BSDC1: variants seen among roughly 807,000 people sequenced by gnomAD.
The protein encoded by BSDC1 is BSD domain containing 1.
BSDC1 carries 29 observed loss-of-function variants against 56.0 expected under a neutral mutation model. The ratio of observed to expected loss-of-function variants is 0.52; its 90% CI spans 0.39 to 0.71. The LOEUF (loss-of-function observed/expected upper bound fraction) is 0.71. BSDC1 is among the 30% of genes least tolerant of loss of function. The pLI is 0.00. For missense variants in BSDC1, 477 were observed against 548.5 expected, an observed-to-expected ratio of 0.87 and a Z score of 1.30; for synonymous variants, 210 against 215.3, an observed-to-expected ratio of 0.98 and a Z score of 0.21.
chr1:32,364,901 C>T lies in BSDC1; in HGVS notation c.*1721G>A, dbSNP rs887100625. On this transcript the variant is annotated 3_prime_UTR_variant, in exon 11 of 11. Coordinates refer to ENST00000455895, the MANE Select transcript of BSDC1 (RefSeq NM_018045.8). ...CACTGGGAGTGCAGAGATGGCCTCC[C>T]GACTCCTTGTCCCAGTGAGAGGCCT... is the stretch of plus-strand genomic sequence containing the variant. Among the ~76,000 whole-genome samples, 11 of 152,210 alleles carry T rather than the reference C, an allele frequency of 7.2e-5. No individual in the cohort carries two copies. Among genetic ancestry groups the T allele is most frequent in the African/African-American group, 2.2e-4 (9 of 41,458 alleles).
chr1:32,372,853 T>C (rs1282713245), intron 9 of BSDC1, among the ~76,000 whole-genome samples: 1 of 152,292 alleles, frequency 6.6e-6, no homozygotes, highest in East Asian at 1.9e-4. Flanking sequence ...TGCTCTTAGG[T>C]CACACGGTCA....
In BSDC1 at chr1:32,367,161, C is replaced by T. The variant is rs930608592; in HGVS notation, c.1261-507G>A. On this transcript the variant is annotated intron_variant, in intron 10 of 10. Coordinates refer to ENST00000455895, the MANE Select transcript of BSDC1 (RefSeq NM_018045.8). ...GAGGTGGCAGTGGCCTACAGATGCCCACTAGGTCTTCACTAGGGGCACCAA... is the reference window on the plus strand; with the variant it reads ...GAGGTGGCAGTGGCCTACAGATGCCTACTAGGTCTTCACTAGGGGCACCAA... 6.1e-6 allele frequency: 6 copies of T among 985,724 alleles called. No homozygotes were observed. In the African/African-American group the frequency reaches 8.7e-5, roughly 14 times the overall value. The allele number at this position is 985,724 out of a possible 1,614,324, so 61.1% of individuals were successfully genotyped here.
In BSDC1 at chr1:32,366,616, G is replaced by A. The variant is rs754393546; in HGVS notation, c.*6C>T. Reference sequence around the variant, plus strand: ...ATGGGTGGGGGAGCTGCTCCCTCTGGCTCCCTCACTCCCAGTCCTCCCACT... The same window carrying A: ...ATGGGTGGGGGAGCTGCTCCCTCTGACTCCCTCACTCCCAGTCCTCCCACT... On this transcript the variant is annotated 3_prime_UTR_variant, in exon 11 of 11. Coordinates refer to ENST00000455895, the MANE Select transcript of BSDC1 (RefSeq NM_018045.8). The A allele has an allele frequency of 8.6e-6, 13 of 1,503,858 alleles. No homozygotes were observed. The highest frequency in any genetic ancestry group is 4.4e-5 in the Admixed American group (2 of 45,500). 93.2% of individuals were successfully genotyped at this position (1,503,858 alleles called of 1,614,324 possible). A position where few individuals can be genotyped will look rare whatever the true frequency, so the allele number is the denominator to read the frequency against.
chr1:32,367,707 A>T, intron 10 of BSDC1: 2 of 981,976 alleles, frequency 2.0e-6, no homozygotes, highest in Non-Finnish European at 2.4e-6. Context: ...AGTGAAGAAT[A>T]ACAGTACTAA....
rs1641841086 is a variant in BSDC1, at chr1:32,366,135, T to C, written c.*487A>G. 5.5e-6 allele frequency: 1 copy of C among 181,076 alleles called. No homozygotes were observed. The highest frequency in any genetic ancestry group is 9.4e-5 in the South Asian group (1 of 10,596). The allele number at this position is 181,076 out of a possible 1,614,324, so 11.2% of individuals were successfully genotyped here. On this transcript the variant is annotated 3_prime_UTR_variant, in exon 11 of 11. Transcript: ENST00000455895. ...GATAAGTGCCTCTTACCCACTGGGA[T>C]AGGAACCAAAATGTGTTCACTGTCC...
chr1:32,376,856 C>A, intron 8 of BSDC1, 115 bp from the exon 9 acceptor site: 2 of 1,176,560 alleles, frequency 1.7e-6, no homozygotes, highest in Non-Finnish European at 2.2e-6. Context: ...TCAAGCCGGG[C>A]ATGGTGGCTC....
At chr1:32,375,935 G>A (rs1642263819) in intron 9 of BSDC1, among the ~76,000 whole-genome samples, 1 of 152,042 alleles carries the variant, frequency 6.6e-6, no homozygotes, top group Admixed American at 6.6e-5. Context: ...AATATTTTTG[G>A]GCCTCACTTT....
Position 32,366,590 on chromosome 1 carries a change from C to T in BSDC1, c.*32G>A, listed in dbSNP as rs147208911. On this transcript the variant is annotated 3_prime_UTR_variant, in exon 11 of 11. Transcript: ENST00000455895. ...GACGAGCGAGGGAGGCGAGAGATGC[C>T]ATGGGTGGGGGAGCTGCTCCCTCTG... 1.6e-5 allele frequency: 25 copies of T among 1,515,444 alleles called. No homozygotes were observed. The African/African-American group carries it at 2.5e-4, about 15-fold the overall frequency. The allele number at this position is 1,515,444 out of a possible 1,614,324, so 93.9% of individuals were successfully genotyped here.
intron 10 of BSDC1, 76 bp downstream of exon 10, chr1:32,368,371 G>C (rs752317143): frequency 7.4e-6 from 12 of 1,614,170 alleles, no homozygotes; most frequent in Non-Finnish European, 1.0e-5. Context: ...TGAGGGGACA[G>C]CTGGGCTGGC....
chr1:32,372,079 A>G (rs1200769645), intron 9 of BSDC1, among the ~76,000 whole-genome samples: 1 of 152,188 alleles, frequency 6.6e-6, no homozygotes, highest in Non-Finnish European at 1.5e-5. Context: ...TTGAGAAACA[A>G]TGGTGTTAGA....
At chr1:32,367,556 G>C in intron 10 of BSDC1, 7 of 985,360 alleles carry the variant, frequency 7.1e-6, no homozygotes, top group Non-Finnish European at 6.0e-6. Context: ...GACTCATGTG[G>C]TTCTTATGTG....
intron 10 of BSDC1, chr1:32,367,593 CAG>C: frequency 2.0e-6 from 2 of 985,458 alleles, no homozygotes; most frequent in Non-Finnish European, 2.4e-6. Context: ...TGACATGAAT[CAG>C]ATGTCTGGGT....
chr1:32,370,778 T>C (rs553383028), intron 9 of BSDC1, among the ~76,000 whole-genome samples: 2 of 117,418 alleles, frequency 1.7e-5, no homozygotes, highest in African/African-American at 6.8e-5. Flanking sequence ...CACTCCAGCC[T>C]GGGTGACAGA....
At position 32,386,772 on chromosome 1, in the gene BSDC1, T is replaced by C. The variant is rs1416181330; in HGVS notation, c.189+7A>G. ...CAGTTACTTGGGAGGGTTTGGGTGGTACTCACAGCCAGCTTCTCCTTGACC... is the reference window on the plus strand; with the variant it reads ...CAGTTACTTGGGAGGGTTTGGGTGGCACTCACAGCCAGCTTCTCCTTGACC... On this transcript the variant is annotated splice_region_variant and intron_variant, in intron 3 of 10. Coordinates refer to ENST00000455895, the MANE Select transcript of BSDC1 (RefSeq NM_018045.8). 1.9e-6 allele frequency: 3 copies of C among 1,611,990 alleles called. No homozygotes were observed. The highest frequency in any genetic ancestry group is 2.5e-6 in the Non-Finnish European group (3 of 1,179,024).
At chr1:32,375,172 G>C (rs1410600989) in intron 9 of BSDC1, among the ~76,000 whole-genome samples, 1 of 151,900 alleles carries the variant, frequency 6.6e-6, no homozygotes, top group African/African-American at 2.4e-5. Flanking sequence ...ATAAAAACCA[G>C]GTAGGAGCCC....
rs759693270 is a variant in BSDC1 at position 32,394,061 on chromosome 1, G to A, written c.72+19C>T. ...GCGCAGGGCCCTGCTGAGGGAAGAA[G>A]GGCACGGGCCCGGCTTACCTTCTCT... On this transcript the variant is annotated intron_variant, in intron 2 of 10. Transcript: ENST00000455895. The A allele has an allele frequency of 5.6e-6, 9 of 1,604,406 alleles. No individual in the cohort carries two copies. Among genetic ancestry groups the A allele is most frequent in the African/African-American group, 5.4e-5 (4 of 74,730 alleles).
chr1:32,384,563 C>A (rs1237733596), intron 3 of BSDC1, among the ~76,000 whole-genome samples: 2 of 152,094 alleles, frequency 1.3e-5, no homozygotes, highest in Non-Finnish European at 2.9e-5. Flanking sequence ...TGTAATACTG[C>A]AATTTCATCA....
intron 9 of BSDC1, among the ~76,000 whole-genome samples, chr1:32,373,150 CTTCTTT>C (rs1486743871): frequency 2.0e-5 from 3 of 152,160 alleles, no homozygotes; most frequent in Non-Finnish European, 2.9e-5. Flanking sequence ...AGCCCCCATT[CTTCTTT>C]TTATTTCTTC....
Position 32,386,907 on chromosome 1 carries a change from CAG to C in BSDC1, c.73-14_73-13del. Reference sequence around the variant, plus strand: ...AAGGCTTCAGAGGACTGTGGGAAGACAGAGAGGGATGCCAGGGCCAGCTGGCC... The same window carrying C: ...AAGGCTTCAGAGGACTGTGGGAAGACAGAGGGATGCCAGGGCCAGCTGGCC... On this transcript the variant is annotated splice_polypyrimidine_tract_variant and intron_variant, in intron 2 of 10. Transcript: ENST00000455895. 1 of 1,608,498 alleles carries C rather than the reference CAG, an allele frequency of 6.2e-7. No individual in the cohort carries two copies. Among genetic ancestry groups the C allele is most frequent in the Non-Finnish European group, 8.5e-7 (1 of 1,176,792 alleles).
Sources: gnomAD v4.1 joint callset for allele counts (sites outside exome capture counted in the v4.1 genomes callset) on GRCh38, gnomAD v4.1.1 for gene constraint, MANE v1.5 for transcripts, NCBI Gene and HGNC (gene_info 2026-07-23, HGNC 2026-07-21) for gene names.